Variants in OLFM4 observed in about 807,000 individuals in gnomAD.
OLFM4 encodes the protein olfactomedin 4.
Under a neutral mutation model 25.5 loss-of-function variants are expected in OLFM4, and 22 were observed. That is an observed-to-expected ratio of 0.86 (90% confidence interval 0.62 to 1.23). The LOEUF is 1.23. Ranked by LOEUF, OLFM4 falls within the 50% of genes most tolerant of loss-of-function variation. OLFM4 has a pLI of 0.00. For missense variants in OLFM4, 594 were observed against 619.4 expected (o/e 0.96, Z 0.44); for synonymous variants, 255 against 237.7 (o/e 1.07, Z -0.67).
intron 2 of OLFM4, among the ~76,000 whole-genome samples, chr13:53,035,240 CA>C (rs1331534522): frequency 2.0e-5 from 3 of 151,752 alleles, no homozygotes; most frequent in Non-Finnish European, 1.5e-5. Flanking sequence ...TTTTTTGTGA[CA>C]ATAAGTTGTA....
intron 2 of OLFM4, among the ~76,000 whole-genome samples, chr13:53,041,071 C>T (rs560344347): frequency 2.6e-4 from 40 of 152,130 alleles, no homozygotes; most frequent in African/African-American, 9.4e-4. Context: ...AGTGTGGTGA[C>T]TCGAAGAACT....
At chr13:53,042,914 C>T (rs1023751701) in intron 3 of OLFM4, among the ~76,000 whole-genome samples, 191 bp from the exon 4 acceptor site, 5 of 152,178 alleles carry the variant, frequency 3.3e-5, no homozygotes, top group African/African-American at 1.2e-4. Flanking sequence ...CTTCTTGTCA[C>T]ACACATCTGC....
At chr13:53,046,009 G>A (rs1954713688) in intron 4 of OLFM4, among the ~76,000 whole-genome samples, 1 of 152,160 alleles carries the variant, frequency 6.6e-6, no homozygotes, top group Non-Finnish European at 1.5e-5. Context: ...TGCTCAGTAA[G>A]TAGCTGATGA....
rs184502019 is a variant in OLFM4 at position 53,035,418 on chromosome 13, A to C, written c.357+918A>C. The stretch of plus-strand genomic sequence containing the variant: ...GTAATAATCACATCATGGAAAATGG[A>C]GTGTCCATCCCCTCAAGCATTTATC... On this transcript the variant is annotated intron_variant, in intron 2 of 4. Coordinates refer to ENST00000219022, the MANE Select transcript of OLFM4 (RefSeq NM_006418.5). 1.4e-3 allele frequency among the ~76,000 whole-genome samples: 216 copies of C among 152,218 alleles called. 1 individual carries two copies. The highest frequency in any genetic ancestry group is 4.8e-3 in the African/African-American group (199 of 41,548).
intron 4 of OLFM4, among the ~76,000 whole-genome samples, chr13:53,045,427 A>G (rs1954710997): frequency 6.6e-6 from 1 of 152,102 alleles, no homozygotes; most frequent in Non-Finnish European, 1.5e-5. Flanking sequence ...TTTATATTAA[A>G]CTGACTTTTG....
rs930764143 is a variant in OLFM4 at position 53,034,365 on chromosome 13, C to T, written c.222C>T (p.Thr74=). 1.1e-5 allele frequency: 17 copies of T among 1,610,482 alleles called. No individual in the cohort carries two copies. The highest frequency in any genetic ancestry group is 2.2e-5 in the East Asian group (1 of 44,840). ...GSVSQLFSNF[T]GSVDDRGTCQ... is the part of the protein sequence containing the mutation. ...ATTTGCAGTTGTTTTCCAATTTCACCGGCTCCGTGGATGACCGTGGGACCT... is the reference window on the plus strand; with the variant it reads ...ATTTGCAGTTGTTTTCCAATTTCACTGGCTCCGTGGATGACCGTGGGACCT... Residue 74 remains threonine (T), a synonymous_variant, in exon 2 of 5, where the codon ACC becomes ACT. Transcript: ENST00000219022.
intron 1 of OLFM4, among the ~76,000 whole-genome samples, chr13:53,030,388 C>T (rs914986145): frequency 2.0e-5 from 3 of 152,110 alleles, no homozygotes; most frequent in Non-Finnish European, 4.4e-5. Context: ...CTGCAACCTC[C>T]GCCTACCAGG....
chr13:53,050,793 A>C lies in OLFM4; in HGVS notation c.*22A>C. The C allele has an allele frequency of 6.5e-7, 1 of 1,539,528 alleles. No homozygotes were observed. Among genetic ancestry groups the C allele is most frequent in the Non-Finnish European group, 8.7e-7 (1 of 1,148,508 alleles). ...GTAAGCTGTTTAGGAGTTAGGGTGAAAGAGAAAATGTTTGTTGAAAAAATA... is the reference window on the plus strand; with the variant it reads ...GTAAGCTGTTTAGGAGTTAGGGTGACAGAGAAAATGTTTGTTGAAAAAATA... On this transcript the variant is annotated 3_prime_UTR_variant, in exon 5 of 5. Coordinates refer to ENST00000219022, the MANE Select transcript of OLFM4 (RefSeq NM_006418.5).
intron 4 of OLFM4, among the ~76,000 whole-genome samples, chr13:53,046,490 C>G (rs1954716763): frequency 6.6e-6 from 1 of 152,088 alleles, no homozygotes; most frequent in Non-Finnish European, 1.5e-5. Flanking sequence ...TTTGAAAAAC[C>G]AGATATGTAG....
chr13:53,045,228 T>C (rs1593481940), intron 4 of OLFM4, among the ~76,000 whole-genome samples: 1 of 149,946 alleles, frequency 6.7e-6, no homozygotes, highest in Non-Finnish European at 1.5e-5. Context: ...TTTTGTTGGA[T>C]TTTTTTTTTC....
At chr13:53,034,903 T>C (rs1402448010) in intron 2 of OLFM4, among the ~76,000 whole-genome samples, 2 of 152,170 alleles carry the variant, frequency 1.3e-5, no homozygotes, top group East Asian at 3.8e-4. Context: ...TTTAGTTCTA[T>C]TCTATCTCCC....
chr13:53,040,600 C>T lies in OLFM4; in HGVS notation c.358-1310C>T, dbSNP rs1954682085. Among the ~76,000 whole-genome samples, 3 of 152,288 alleles carry T rather than the reference C, an allele frequency of 2.0e-5. No homozygotes were observed. The South Asian group carries it at 6.2e-4, about 32-fold the overall frequency. ...GATTTTGTCCCCAGGGAACATTTAG[C>T]AATGCCCAGAGACATTTTTGGTTAT... is the stretch of plus-strand genomic sequence containing the variant. On this transcript the variant is annotated intron_variant, in intron 2 of 4. Transcript: ENST00000219022.
chr13:53,029,722 A>C (rs1345603449), intron 1 of OLFM4, among the ~76,000 whole-genome samples: 3 of 152,226 alleles, frequency 2.0e-5, no homozygotes, highest in Non-Finnish European at 2.9e-5. Flanking sequence ...GGGAATCTTC[A>C]GGACCATTTC....
chr13:53,033,053 A>G (rs1232579335), intron 1 of OLFM4, among the ~76,000 whole-genome samples: 2 of 152,234 alleles, frequency 1.3e-5, no homozygotes, highest in Non-Finnish European at 2.9e-5. Flanking sequence ...AGATGAGATC[A>G]TTAAAAGGCA....
intron 1 of OLFM4, 113 bp from the exon 2 acceptor site, chr13:53,034,235 G>A: frequency 5.4e-6 from 5 of 924,076 alleles, no homozygotes; most frequent in East Asian, 2.4e-5. Flanking sequence ...TTTATGTATT[G>A]GACTCCACTT....
At chr13:53,034,622 T>G (rs2298232) in intron 2 of OLFM4, 122 bp downstream of exon 2, 1 of 844,616 alleles carries the variant, frequency 1.2e-6, no homozygotes, top group Admixed American at 2.9e-5. Flanking sequence ...TATTCTATGG[T>G]GATTTTAGTA....
intron 1 of OLFM4, among the ~76,000 whole-genome samples, chr13:53,031,232 T>G (rs1954627482): frequency 6.6e-6 from 1 of 152,214 alleles, no homozygotes; most frequent in African/African-American, 2.4e-5. Context: ...AGGAGTCAAT[T>G]TCACTATCAA....
rs752791508 is a variant in OLFM4 at position 53,050,104 on chromosome 13, G to A, written c.866G>A (p.Trp289Ter). 6 of 1,613,778 alleles carry A rather than the reference G, an allele frequency of 3.7e-6. No individual in the cohort carries two copies. In the East Asian group the frequency reaches 1.3e-4, roughly 36 times the overall value. The change falls in exon 5 of 5, where the codon TGG becomes TAG. Residue 289 changes from tryptophan to a stop codon, truncating the protein, a stop_gained. Transcript: ENST00000219022. LOFTEE classifies it low-confidence loss of function (END_TRUNC). ...CAGCATCCAAACAAAGGACTGTATT[G>A]GGTGGCGCCATTGAATACAGATGGG... ...SPQHPNKGLY[W>*]VAPLNTDGRL...
At chr13:53,039,373 A>AG (rs1491352048) in intron 2 of OLFM4, among the ~76,000 whole-genome samples, 1 of 152,202 alleles carries the variant, frequency 6.6e-6, no homozygotes, top group Non-Finnish European at 1.5e-5. Context: ...TGCACTTCTC[A>AG]GGGGGACTTG....
Sources: gnomAD v4.1 joint callset for allele counts (sites outside exome capture counted in the v4.1 genomes callset) on GRCh38, gnomAD v4.1.1 for gene constraint, MANE v1.5 for transcripts, NCBI Gene and HGNC (gene_info 2026-07-23, HGNC 2026-07-21) for gene names.